Variants in AGBL4 observed in about 807,000 individuals in gnomAD.
AGBL4 encodes AGBL carboxypeptidase 4, also known as cytosolic carboxypeptidase 6.
A neutral mutation model predicts 66.4 loss-of-function variants in AGBL4; 58 were observed. The ratio of observed to expected loss-of-function variants is 0.87; its 90% CI spans 0.71 to 1.09. AGBL4 has a LOEUF of 1.09. AGBL4 is among the 50% of genes least tolerant of loss of function. The pLI is 0.00. For missense variants in AGBL4, 579 were observed against 631.0 expected (o/e 0.92, Z 0.88); for synonymous variants, 234 against 222.9 (o/e 1.05, Z -0.44).
chr1:49,894,110 T>C (rs1189327535), intron 1 of AGBL4, among the ~76,000 whole-genome samples: 1 of 152,168 alleles, frequency 6.6e-6, no homozygotes, highest in Non-Finnish European at 1.5e-5. Context: ...CTGAATCTTA[T>C]TGAACACAAC....
chr1:49,928,052 A>G (rs1013600655), intron 1 of AGBL4, among the ~76,000 whole-genome samples: 1 of 152,188 alleles, frequency 6.6e-6, no homozygotes, highest in African/African-American at 2.4e-5. Context: ...ACAAAAATAT[A>G]TAATTAACGA....
chr1:49,765,288 T>A (rs983277804), intron 2 of AGBL4, among the ~76,000 whole-genome samples: 1 of 152,048 alleles, frequency 6.6e-6, no homozygotes, highest in African/African-American at 2.4e-5. Context: ...TCTACTGGCA[T>A]GTAGGTCAAA....
At chr1:49,824,808 G>A (rs1273703331) in intron 2 of AGBL4, among the ~76,000 whole-genome samples, 4 of 152,230 alleles carry the variant, frequency 2.6e-5, no homozygotes, top group Non-Finnish European at 4.4e-5. Flanking sequence ...GTCTGGAAAG[G>A]TTGGTAGTGG....
intron 1 of AGBL4, among the ~76,000 whole-genome samples, chr1:49,856,950 T>C (rs908269777): frequency 8.6e-5 from 13 of 151,654 alleles, no homozygotes; most frequent in African/African-American, 2.9e-4. Context: ...TGTTCATAGA[T>C]GACATGATCT....
chr1:49,493,925 TA>T (rs1647295031), intron 3 of AGBL4, among the ~76,000 whole-genome samples: 1 of 151,930 alleles, frequency 6.6e-6, no homozygotes, highest in Non-Finnish European at 1.5e-5. Flanking sequence ...ACTGGCATTT[TA>T]AAAGGTGTGG....
intron 2 of AGBL4, among the ~76,000 whole-genome samples, chr1:49,721,931 T>C (rs1351834314): frequency 1.3e-5 from 2 of 152,206 alleles, no homozygotes; most frequent in East Asian, 3.8e-4. Context: ...TGAGATTATC[T>C]GAGATATGAG....
chr1:49,280,346 G>A (rs1422052895), intron 3 of AGBL4, among the ~76,000 whole-genome samples: 1 of 152,172 alleles, frequency 6.6e-6, no homozygotes, highest in Non-Finnish European at 1.5e-5. Context: ...CAGTTAAACT[G>A]TTTCTTTACT....
chr1:49,542,614 T>C (rs145982376), intron 3 of AGBL4, among the ~76,000 whole-genome samples: 24 of 152,176 alleles, frequency 1.6e-4, no homozygotes, highest in Non-Finnish European at 1.0e-4. Flanking sequence ...GAAACCTAAC[T>C]TGTCCGGGTG....
At chr1:49,237,433 C>T (rs1650848245) in intron 4 of AGBL4, among the ~76,000 whole-genome samples, 1 of 150,626 alleles carries the variant, frequency 6.6e-6, no homozygotes, top group Non-Finnish European at 1.5e-5. Flanking sequence ...CTTCTTCTTC[C>T]CAGTCTTAGG....
At position 48,791,450 on chromosome 1, in the gene AGBL4, T is replaced by C. The variant is rs779896631; in HGVS notation, c.634+75741A>G. On this transcript the variant is annotated intron_variant, in intron 6 of 13. Transcript: ENST00000371839. ...ACTACCCTCCATTCCCCCATCCCCA[T>C]CAAGGGGTTCTGTTAATTCTCTAAC... Among the ~76,000 whole-genome samples the C allele has an allele frequency of 5.9e-5, 9 of 152,194 alleles. No homozygotes were observed. The South Asian group carries it at 1.5e-3, about 25-fold the overall frequency.
At chr1:49,190,075 T>C (rs1647087348) in intron 4 of AGBL4, among the ~76,000 whole-genome samples, 1 of 152,234 alleles carries the variant, frequency 6.6e-6, no homozygotes, top group Non-Finnish European at 1.5e-5. Flanking sequence ...GCCTGTTCTA[T>C]GTGATTCTTT....
intron 3 of AGBL4, among the ~76,000 whole-genome samples, chr1:49,657,541 C>G (rs1410506143): frequency 6.6e-6 from 1 of 152,160 alleles, no homozygotes; most frequent in Non-Finnish European, 1.5e-5. Context: ...AAAGAACCCA[C>G]ATTGCCAAGA....
At chr1:49,479,577 T>A (rs1314466773) in intron 3 of AGBL4, among the ~76,000 whole-genome samples, 1 of 152,018 alleles carries the variant, frequency 6.6e-6, no homozygotes, top group Non-Finnish European at 1.5e-5. Context: ...TGTTCTTGGG[T>A]TAGTTTGCTA....
At chr1:49,641,139 T>G (rs1353295021) in intron 3 of AGBL4, among the ~76,000 whole-genome samples, 2 of 152,176 alleles carry the variant, frequency 1.3e-5, no homozygotes, top group Non-Finnish European at 2.9e-5. Context: ...GCTGTTGTTA[T>G]GCAAATAACT....
intron 7 of AGBL4, among the ~76,000 whole-genome samples, chr1:48,658,550 C>T (rs80071909): frequency 0.032 from 4,892 of 152,242 alleles, 97 homozygotes; most frequent in Non-Finnish European, 0.045. Flanking sequence ...TTAAAGTTCA[C>T]GGAGTATAAG....
chr1:48,711,653 C>G (rs560557402), intron 6 of AGBL4, among the ~76,000 whole-genome samples: 5 of 152,090 alleles, frequency 3.3e-5, no homozygotes, highest in African/African-American at 1.2e-4. Flanking sequence ...AACCCTCTCC[C>G]CAGCCCACCG....
intron 4 of AGBL4, among the ~76,000 whole-genome samples, chr1:49,140,951 G>T (rs564685063): frequency 1.3e-5 from 2 of 152,198 alleles, no homozygotes; most frequent in South Asian, 4.1e-4. Context: ...ACTCCTTCTT[G>T]GGGCTTTTAA....
intron 6 of AGBL4, among the ~76,000 whole-genome samples, chr1:48,832,757 A>T (rs1480193948): frequency 6.6e-6 from 1 of 152,168 alleles, no homozygotes; most frequent in African/African-American, 2.4e-5. Context: ...GGTGAGCCTC[A>T]TTCAATCTGT....
intron 1 of AGBL4, among the ~76,000 whole-genome samples, chr1:49,979,907 T>C (rs1016034969): frequency 3.3e-5 from 5 of 152,192 alleles, no homozygotes; most frequent in African/African-American, 9.7e-5. Flanking sequence ...CAGCTGTGGT[T>C]ATCCATTTCA....
Sources: gnomAD v4.1 joint callset for allele counts (sites outside exome capture counted in the v4.1 genomes callset) on GRCh38, gnomAD v4.1.1 for gene constraint, MANE v1.5 for transcripts, NCBI Gene and HGNC (gene_info 2026-07-23, HGNC 2026-07-21) for gene names.